OTUD5: variants seen among roughly 807,000 people sequenced by gnomAD.
The protein encoded by OTUD5 is OTU deubiquitinase 5, also known as OTU domain-containing protein 5.
Under a neutral mutation model 36.3 loss-of-function variants are expected in OTUD5, and 2 were observed. The ratio of observed to expected loss-of-function variants is 0.06; its 90% CI spans 0.02 to 0.17. The LOEUF (loss-of-function observed/expected upper bound fraction) is 0.17, where lower values mean the gene tolerates loss of function less well. Ranked by LOEUF, OTUD5 falls within the 10% of genes least tolerant of loss-of-function variation. The probability of loss-of-function intolerance (pLI) is 1.00; values close to 1 mark genes in which losing one functional copy is unlikely to be tolerated. For missense variants in OTUD5, 233 were observed against 512.3 expected, an observed-to-expected ratio of 0.45 and a Z score of 5.26; for synonymous variants, 234 against 214.9, an observed-to-expected ratio of 1.09 and a Z score of -0.78.
In OTUD5 at chrX:48,925,946, G is replaced by A. The variant is rs1557047640; in HGVS notation, c.1164C>T (p.Ala388=). Residue 388 remains alanine (A), a synonymous_variant, in exon 6 of 9, where the codon GCC becomes GCT. Transcript: ENST00000376488. ...CCTGCTCCTCGATGGCTTCATTTGT[G>A]GCCTCCCAGTCTGTGGCCCGTTTCT... ...EDKKRATDWE[A]TNEAIEEQVA... 8.3e-7 allele frequency: 1 copy of A among 1,209,486 alleles called. No homozygotes were observed. The highest frequency in any genetic ancestry group is 2.2e-5 in the Admixed American group (1 of 45,992).
At chrX:48,935,122 T>C in intron 2 of OTUD5, 104 bp from the exon 3 acceptor site, 1 of 782,942 alleles carries the variant, frequency 1.3e-6, no homozygotes, top group Non-Finnish European at 1.9e-6. Context: ...ACCAGGGAAA[T>C]TCCCTTTTCT....
intron 2 of OTUD5, among the ~76,000 whole-genome samples, chrX:48,942,310 AC>A: frequency 1.9e-5 from 2 of 102,824 alleles, no homozygotes; most frequent in East Asian, 6.2e-4. Context: ...ACACACACAC[AC>A]ACACACACAC....
intron 2 of OTUD5, among the ~76,000 whole-genome samples, chrX:48,938,683 A>C (rs1332899213): frequency 2.8e-5 from 3 of 109,055 alleles, no homozygotes; most frequent in Admixed American, 1.9e-4. Flanking sequence ...AACAAGAGCG[A>C]AACTCTGTCT....
chrX:48,926,918 A>T (rs782318334), intron 5 of OTUD5, among the ~76,000 whole-genome samples: 4 of 111,696 alleles, frequency 3.6e-5, no homozygotes, highest in Admixed American at 9.6e-5. Flanking sequence ...CAGCATTTTT[A>T]AAAAATAGAA....
chrX:48,923,037 G>C lies in OTUD5; in HGVS notation c.*137C>G. ...AGTGCAGGGGTGGGCTAGCCAGAGG[G>C]AAGTGAGGAGGAGGGAAAAGAGGGG... On this transcript the variant is annotated 3_prime_UTR_variant, in exon 9 of 9. Transcript: ENST00000376488. 2 of 1,151,515 alleles carry C rather than the reference G, an allele frequency of 1.7e-6. No individual in the cohort carries two copies. The highest frequency in any genetic ancestry group is 2.3e-6 in the Non-Finnish European group (2 of 865,501). 94.9% of individuals were successfully genotyped at this position (1,151,515 alleles called of 1,213,427 possible). A position where few individuals can be genotyped will look rare whatever the true frequency, so the allele number is the denominator to read the frequency against.
intron 1 of OTUD5, among the ~76,000 whole-genome samples, chrX:48,951,228 C>G (rs2064136473): frequency 9.0e-6 from 1 of 111,556 alleles, no homozygotes; most frequent in Non-Finnish European, 1.9e-5. Flanking sequence ...AGGTGTTTAG[C>G]ATTCTGTGAC....
At chrX:48,949,924 G>C (rs782162791) in intron 1 of OTUD5, among the ~76,000 whole-genome samples, 4 of 110,316 alleles carry the variant, frequency 3.6e-5, no homozygotes, top group Non-Finnish European at 7.6e-5. Flanking sequence ...CGAGGCGGGT[G>C]GATCAACTAA....
chrX:48,926,131 C>T (rs927252102), intron 5 of OTUD5, 81 bp from the exon 6 acceptor site: 9 of 722,411 alleles, frequency 1.2e-5, no homozygotes, highest in Non-Finnish European at 1.9e-5. Flanking sequence ...GCGAGGTAGG[C>T]CCACAGGCCC....
At chrX:48,948,065 A>AG (rs1350461342) in intron 1 of OTUD5, among the ~76,000 whole-genome samples, 1 of 112,398 alleles carries the variant, frequency 8.9e-6, no homozygotes, top group Non-Finnish European at 1.9e-5. Context: ...GGCAGAAAGG[A>AG]GGCCAGACAC....
intron 2 of OTUD5, 98 bp from the exon 3 acceptor site, chrX:48,935,116 G>C (rs1328212809): frequency 1.1e-5 from 9 of 840,688 alleles, no homozygotes; most frequent in Non-Finnish European, 1.4e-5. Flanking sequence ...TGGGGGACCA[G>C]GGAAATTCCC....
rs1337554475 is a variant in OTUD5 at position 48,922,307 on chromosome X, C to T, written c.*867G>A. On this transcript the variant is annotated 3_prime_UTR_variant, in exon 9 of 9. Transcript: ENST00000376488. Reference sequence around the variant, plus strand: ...GGGTGCCCCATCTGCCAAGGCTGCTCCCACACTCCCTACACTCAAATCCCG... The same window carrying T: ...GGGTGCCCCATCTGCCAAGGCTGCTTCCACACTCCCTACACTCAAATCCCG... 1 of 118,107 alleles carries T rather than the reference C, an allele frequency of 8.5e-6. No homozygotes were observed. 9.7% of individuals were successfully genotyped at this position (118,107 alleles called of 1,213,427 possible).
intron 1 of OTUD5, among the ~76,000 whole-genome samples, chrX:48,948,217 C>T (rs964556076): frequency 3.6e-5 from 4 of 111,895 alleles, no homozygotes; most frequent in African/African-American, 9.7e-5. Context: ...GGCGTGGTGG[C>T]GTGTGCCTGT....
At chrX:48,927,307 C>T (rs1185812012) in intron 5 of OTUD5, among the ~76,000 whole-genome samples, 2 of 110,941 alleles carry the variant, frequency 1.8e-5, no homozygotes, top group African/African-American at 3.3e-5. Context: ...CAGCAAGCAG[C>T]GGACACCTGG....
chrX:48,930,685 G>A (rs1012851071), intron 5 of OTUD5, among the ~76,000 whole-genome samples: 4 of 111,590 alleles, frequency 3.6e-5, no homozygotes, highest in Admixed American at 9.5e-5. Context: ...TGAGCTGGGC[G>A]CAGTAGCTCA....
chrX:48,932,856 T>C (rs782688334), intron 5 of OTUD5, among the ~76,000 whole-genome samples: 11 of 110,676 alleles, frequency 9.9e-5, no homozygotes, highest in Non-Finnish European at 1.9e-4. Flanking sequence ...GGCGAGCACC[T>C]GTAGTCTCCC....
At chrX:48,928,593 A>G (rs1279446614) in intron 5 of OTUD5, among the ~76,000 whole-genome samples, 1 of 111,298 alleles carries the variant, frequency 9.0e-6, no homozygotes. Flanking sequence ...TTGAGAGGCC[A>G]AGGCGGGAGG....
rs1170516977 is a variant in OTUD5, at chrX:48,922,525, A to G, written c.*649T>C. The G allele has an allele frequency of 4.0e-6, 3 of 753,585 alleles. No homozygotes were observed. The highest frequency in any genetic ancestry group is 4.7e-6 in the Non-Finnish European group (3 of 639,314). 62.1% of individuals were successfully genotyped at this position (753,585 alleles called of 1,213,427 possible). Reference sequence around the variant, plus strand: ...TCCATGCAGCTGGAGGCCAGAAGACAGCAACCCATATCTTTGCACCCTCCT... The same window carrying G: ...TCCATGCAGCTGGAGGCCAGAAGACGGCAACCCATATCTTTGCACCCTCCT... On this transcript the variant is annotated 3_prime_UTR_variant, in exon 9 of 9. Coordinates refer to ENST00000376488, the MANE Select transcript of OTUD5 (RefSeq NM_001136157.2).
chrX:48,934,373 A>AT, intron 5 of OTUD5, 91 bp downstream of exon 5: 3 of 711,461 alleles, frequency 4.2e-6, no homozygotes, highest in Non-Finnish European at 6.2e-6. Flanking sequence ...AGGAGACAGG[A>AT]TATTTTTGTG....
intron 2 of OTUD5, among the ~76,000 whole-genome samples, chrX:48,938,733 G>A (rs1284137040): frequency 9.0e-6 from 1 of 110,737 alleles, no homozygotes; most frequent in Non-Finnish European, 1.9e-5. Context: ...GACTTTCCTA[G>A]CTCCACCTCT....
Sources: allele counts gnomAD v4.1 joint callset (sites outside exome capture counted in the v4.1 genomes callset), GRCh38; gene constraint gnomAD v4.1.1; transcripts MANE v1.5; gene names NCBI Gene and HGNC (gene_info 2026-07-23, HGNC 2026-07-21).